Variants in SLC20A1 observed in about 807,000 individuals in gnomAD.
SLC20A1 encodes the protein sodium-dependent phosphate transporter 1.
SLC20A1 carries 28 observed loss-of-function variants against 62.7 expected under a neutral mutation model. The observed-to-expected ratio is 0.45, with a 90% CI of 0.33 to 0.61. SLC20A1 has a LOEUF of 0.61. Ranked by LOEUF, SLC20A1 falls within the 20% of genes least tolerant of loss-of-function variation. SLC20A1 has a pLI of 0.02. For missense variants in SLC20A1, 673 were observed against 838.6 expected, an observed-to-expected ratio of 0.80 and a Z score of 2.44; for synonymous variants, 305 against 302.9, an observed-to-expected ratio of 1.01 and a Z score of -0.07.
At chr2:112,660,300 C>A in intron 8 of SLC20A1, 87 bp from the exon 9 acceptor site, 2 of 1,200,668 alleles carry the variant, frequency 1.7e-6, no homozygotes, top group Non-Finnish European at 2.4e-6. Flanking sequence ...GTACTTTAGA[C>A]AACCTGGTAG....
At chr2:112,647,208 T>A in intron 2 of SLC20A1, 46 bp downstream of exon 2, 1 of 1,590,984 alleles carries the variant, frequency 6.3e-7, no homozygotes, top group South Asian at 1.1e-5. Context: ...GGTGAGCAAA[T>A]TTGTATCATG....
rs1044458311 is a variant in SLC20A1 at position 112,663,585 on chromosome 2, T to C, written c.*560T>C. On this transcript the variant is annotated 3_prime_UTR_variant, in exon 11 of 11. Coordinates refer to ENST00000272542, the MANE Select transcript of SLC20A1 (RefSeq NM_005415.5). ...AGCTTCTTAGAGGGATGAGGTTCTT[T>C]GAACACAGTGAAAATTTAAATTAGT... 1 of 158,256 alleles carries C rather than the reference T, an allele frequency of 6.3e-6. No individual in the cohort carries two copies. The highest frequency in any genetic ancestry group is 2.4e-5 in the African/African-American group (1 of 41,450). The allele number at this position is 158,256 out of a possible 1,614,324, so 9.8% of individuals were successfully genotyped here.
chr2:112,647,214 T>C, intron 2 of SLC20A1, 52 bp downstream of exon 2: 1 of 1,587,008 alleles, frequency 6.3e-7, no homozygotes, highest in Non-Finnish European at 8.6e-7. Context: ...CAAATTTGTA[T>C]CATGGGTGGT....
intron 4 of SLC20A1, among the ~76,000 whole-genome samples, chr2:112,649,179 G>A (rs557683896): frequency 2.5e-4 from 38 of 152,350 alleles, no homozygotes; most frequent in African/African-American, 8.7e-4. Context: ...CTCATTTGAG[G>A]AATGCATACC....
intron 4 of SLC20A1, chr2:112,651,892 G>T: frequency 6.6e-6 from 1 of 152,184 alleles, no homozygotes; most frequent in South Asian, 2.1e-4. Context: ...TAATCAGGTG[G>T]TTTGCCCCTT....
At chr2:112,657,541 A>T (rs1406551960) in intron 6 of SLC20A1, among the ~76,000 whole-genome samples, 1 of 152,216 alleles carries the variant, frequency 6.6e-6, no homozygotes, top group Non-Finnish European at 1.5e-5. Flanking sequence ...TGCCAGTGAC[A>T]TGATAGATAA....
intron 8 of SLC20A1, among the ~76,000 whole-genome samples, chr2:112,660,157 A>G (rs185183853): frequency 2.8e-4 from 42 of 152,330 alleles, no homozygotes; most frequent in Admixed American, 5.2e-4. Context: ...TAAGCTGCCT[A>G]TAGGAGGAAA....
At position 112,646,800 on chromosome 2, in the gene SLC20A1, C is replaced by G. The variant is rs898650644; in HGVS notation, c.-29C>G. The G allele has an allele frequency of 2.6e-6, 4 of 1,542,532 alleles. No homozygotes were observed. The Admixed American group carries it at 7.2e-5, about 28-fold the overall frequency. On this transcript the variant is annotated 5_prime_UTR_variant, in exon 2 of 11. Coordinates refer to ENST00000272542, the MANE Select transcript of SLC20A1 (RefSeq NM_005415.5). ...ACATCTTGAAAGGCGCTCAGTAGTT[C>G]TCTTACTAAACAACCACTACTCCAG...
At chr2:112,650,897 CAGACA>C (rs1256071905) in intron 4 of SLC20A1, among the ~76,000 whole-genome samples, 1 of 152,126 alleles carries the variant, frequency 6.6e-6, no homozygotes, top group Non-Finnish European at 1.5e-5. Flanking sequence ...GCTAGGATTA[CAGACA>C]GACATGAGCC....
chr2:112,654,782 G>T (rs542255358), intron 5 of SLC20A1, among the ~76,000 whole-genome samples: 1 of 151,544 alleles, frequency 6.6e-6, no homozygotes, highest in South Asian at 2.1e-4. Context: ...TGTAATCCCA[G>T]CTACTTCGGA....
At chr2:112,652,374 ATCC>A in intron 4 of SLC20A1, 1 of 345,618 alleles carries the variant, frequency 2.9e-6, no homozygotes, top group Non-Finnish European at 5.3e-6. Context: ...AGTATAGCCT[ATCC>A]TCAGGTGTGT....
intron 6 of SLC20A1, 93 bp from the exon 7 acceptor site, chr2:112,658,732 G>C: frequency 1.5e-6 from 2 of 1,357,350 alleles, no homozygotes; most frequent in Non-Finnish European, 2.0e-6. Flanking sequence ...TTCTTGTTTT[G>C]AGATGAGTTT....
intron 4 of SLC20A1, among the ~76,000 whole-genome samples, chr2:112,648,769 T>C (rs1198194093): frequency 2.0e-5 from 3 of 152,218 alleles, no homozygotes; most frequent in East Asian, 3.8e-4. Flanking sequence ...AACAGTTCAT[T>C]GATATTTATG....
At chr2:112,662,755 G>T (rs192139871) in intron 10 of SLC20A1, 109 bp from the exon 11 acceptor site, 10 of 1,097,238 alleles carry the variant, frequency 9.1e-6, no homozygotes, top group South Asian at 1.5e-5. Flanking sequence ...CTTGGACTTT[G>T]TCTTGTCCAG....
At chr2:112,651,855 C>G (rs1686450478) in intron 4 of SLC20A1, 1 of 152,226 alleles carries the variant, frequency 6.6e-6, no homozygotes, top group Non-Finnish European at 1.5e-5. Context: ...TTGCTGATAT[C>G]TCTGTCTGGA....
At chr2:112,657,824 AAC>A (rs1558694023) in intron 6 of SLC20A1, among the ~76,000 whole-genome samples, 1 of 152,256 alleles carries the variant, frequency 6.6e-6, no homozygotes, top group Non-Finnish European at 1.5e-5. Context: ...TCTAGAAGTA[AAC>A]ATTTTCAAGT....
At chr2:112,655,907 G>T (rs1411385156) in intron 5 of SLC20A1, among the ~76,000 whole-genome samples, 1 of 151,840 alleles carries the variant, frequency 6.6e-6, no homozygotes, top group Admixed American at 6.6e-5. Context: ...CACCATGTTG[G>T]CCAGGCTGGT....
At chr2:112,646,489 G>T (rs1000265554) in intron 1 of SLC20A1, 74 bp from the exon 2 acceptor site, 2 of 152,774 alleles carry the variant, frequency 1.3e-5, no homozygotes, top group African/African-American at 4.8e-5. Context: ...GACCCCGGGC[G>T]CGTGGGTAGA....
intron 8 of SLC20A1, 117 bp downstream of exon 8, chr2:112,659,879 A>G (rs1174732118): frequency 1.0e-5 from 8 of 790,528 alleles, no homozygotes; most frequent in South Asian, 6.9e-5. Context: ...AAATAATACA[A>G]ATAGGATGAG....
Sources: gnomAD v4.1 joint callset for allele counts (sites outside exome capture counted in the v4.1 genomes callset) on GRCh38, gnomAD v4.1.1 for gene constraint, MANE v1.5 for transcripts, NCBI Gene and HGNC (gene_info 2026-07-23, HGNC 2026-07-21) for gene names.